The following CCDC158 variants were observed in gnomAD, a reference collection of about 807,000 sequenced individuals.
CCDC158 encodes the protein coiled-coil domain containing 158.
A neutral mutation model predicts 138.6 loss-of-function variants in CCDC158; 116 were observed. The ratio of observed to expected loss-of-function variants is 0.84; its 90% CI spans 0.72 to 0.98. The LOEUF is 0.98. Among genes scored for constraint, CCDC158 ranks in the 50% least tolerant of loss-of-function variants. The pLI is 0.00. For missense variants in CCDC158, 1,265 were observed against 1,306.1 expected, an observed-to-expected ratio of 0.97 and a Z score of 0.48; for synonymous variants, 436 against 442.4, an observed-to-expected ratio of 0.99 and a Z score of 0.18.
rs199969216 is a variant in CCDC158, at chr4:76,379,431, G to C, written c.915-27C>G. 6.8e-4 allele frequency: 958 copies of C among 1,412,466 alleles called. 2 individuals carry two copies. The highest frequency in any genetic ancestry group is 2.0e-3 in the Admixed American group (101 of 49,520). The allele number at this position is 1,412,466 out of a possible 1,614,324, so 87.5% of individuals were successfully genotyped here. On this transcript the variant is annotated intron_variant, in intron 8 of 24. Transcript: ENST00000682701. Reference sequence around the variant, plus strand: ...TAAGAAGAGTTTAGAAGGGGAATAAGTGCAAATAGCAAACTAAGAATAAGA... The same window carrying C: ...TAAGAAGAGTTTAGAAGGGGAATAACTGCAAATAGCAAACTAAGAATAAGA...
chr4:76,351,823 A>G lies in CCDC158; in HGVS notation c.2446-11T>C. The G allele has an allele frequency of 3.2e-6, 5 of 1,549,162 alleles. No homozygotes were observed. The highest frequency in any genetic ancestry group is 4.5e-6 in the Non-Finnish European group (5 of 1,121,380). ...AAACTGCAAAGATGCCTACAAATGG[A>G]GCAATCATAAATGGTTTATCTTGCA... On this transcript the variant is annotated splice_polypyrimidine_tract_variant and intron_variant, in intron 16 of 24. Transcript: ENST00000682701.
intron 16 of CCDC158, 81 bp downstream of exon 16, chr4:76,353,042 T>A: frequency 8.5e-7 from 1 of 1,182,726 alleles, no homozygotes; most frequent in Non-Finnish European, 1.2e-6. Context: ...CCTGTCTACA[T>A]AGAGCTTTTG....
At chr4:76,333,651 C>A (rs907446) in intron 19 of CCDC158, among the ~76,000 whole-genome samples, 1 of 152,002 alleles carries the variant, frequency 6.6e-6, no homozygotes, top group Non-Finnish European at 1.5e-5. Context: ...GACACGTCGA[C>A]CTTTTGAGAT....
At chr4:76,402,268 T>C (rs1467143568) in intron 3 of CCDC158, 3 of 152,248 alleles carry the variant, frequency 2.0e-5, no homozygotes, top group Admixed American at 1.3e-4. Context: ...TGTTGAGTGT[T>C]GTAGGTTCCC....
At chr4:76,399,103 CT>C (rs1011144617) in intron 3 of CCDC158, among the ~76,000 whole-genome samples, 10 of 152,208 alleles carry the variant, frequency 6.6e-5, no homozygotes, top group African/African-American at 2.4e-4. Context: ...AATCATGATG[CT>C]TTCAACTAAT....
intron 24 of CCDC158, among the ~76,000 whole-genome samples, chr4:76,319,159 C>T (rs1719702072): frequency 6.6e-6 from 1 of 151,678 alleles, no homozygotes. Context: ...GTAGTCCCAG[C>T]TACTTGGGAG....
intron 18 of CCDC158, among the ~76,000 whole-genome samples, chr4:76,336,803 C>G (rs540520041): frequency 6.6e-6 from 1 of 152,290 alleles, no homozygotes; most frequent in Non-Finnish European, 1.5e-5. Context: ...GAACTGTCCC[C>G]CTTGCTTGAT....
At chr4:76,320,666 T>C (rs1719911329) in intron 24 of CCDC158, among the ~76,000 whole-genome samples, 1 of 151,990 alleles carries the variant, frequency 6.6e-6, no homozygotes, top group East Asian at 1.9e-4. Flanking sequence ...TCTTCGACAA[T>C]GCAAACAAAA....
intron 4 of CCDC158, among the ~76,000 whole-genome samples, chr4:76,386,885 C>A (rs187158204): frequency 6.6e-6 from 1 of 152,282 alleles, no homozygotes; most frequent in Admixed American, 6.5e-5. Context: ...CCAGCCCTAG[C>A]CAGAGGGGAA....
chr4:76,354,233 C>CA (rs749565764), intron 15 of CCDC158, among the ~76,000 whole-genome samples: 5,512 of 61,226 alleles, frequency 0.09, 111 homozygotes, highest in African/African-American at 0.14. Context: ...TTCCCAAAGG[C>CA]AAAAAAAAAA....
intron 10 of CCDC158, among the ~76,000 whole-genome samples, chr4:76,370,648 G>GT (rs1357829172): frequency 6.6e-6 from 1 of 152,146 alleles, no homozygotes; most frequent in Non-Finnish European, 1.5e-5. Flanking sequence ...GGTGGTGATG[G>GT]TAAGAATGAA....
chr4:76,404,889 A>G (rs1412206650), intron 2 of CCDC158, among the ~76,000 whole-genome samples: 2 of 152,076 alleles, frequency 1.3e-5, no homozygotes, highest in East Asian at 1.9e-4. Flanking sequence ...AGACAAAAAA[A>G]AGGAGTGAGA....
chr4:76,392,732 G>A (rs1447166785), intron 4 of CCDC158, among the ~76,000 whole-genome samples: 2 of 151,834 alleles, frequency 1.3e-5, no homozygotes, highest in South Asian at 2.1e-4. Context: ...CTTATATTTG[G>A]AAAAACCTAA....
In CCDC158 at chr4:76,332,460, A is replaced by C. The variant is rs556049405; in HGVS notation, c.2854T>G (p.Ser952Ala). The C allele has an allele frequency of 6.2e-7, 1 of 1,611,160 alleles. No individual in the cohort carries two copies. Among genetic ancestry groups the C allele is most frequent in the African/African-American group, 1.3e-5 (1 of 74,954 alleles). The change falls in exon 20 of 25, where the codon TCC becomes GCC. Residue 952 changes from serine (S) to alanine (A), a missense_variant. Transcript: ENST00000682701. ...TGGCACATGTCTGATCTCAGGCTGG[A>C]TTCAGTAATGCAATCTCTTACCCTA... ...EDRVRDCITE[S>A]SLRSDMCHRS...
chr4:76,373,215 A>C (rs1459844359), intron 9 of CCDC158, among the ~76,000 whole-genome samples: 1 of 152,228 alleles, frequency 6.6e-6, no homozygotes, highest in Non-Finnish European at 1.5e-5. Context: ...GTGGAGACTA[A>C]GGGTTTAGAT....
At position 76,379,308 on chromosome 4, in the gene CCDC158, T is replaced by C; in HGVS notation, c.1011A>G (p.Lys337=). The stretch of plus-strand genomic sequence containing the variant: ...AACTCACCTTGTCTTCATACATCCT[T>C]TTGGCTTCCCTTAATTCAGAACGTA... The part of the protein sequence containing the change: ...SQLRSELREA[K]RMYEDKTEEL... The change falls in exon 9 of 25, where the codon AAA becomes AAG. Residue 337 remains lysine (K), a synonymous_variant. Coordinates refer to ENST00000682701, the MANE Select transcript of CCDC158 (RefSeq NM_001394954.1). 6.2e-7 allele frequency: 1 copy of C among 1,604,908 alleles called. No homozygotes were observed. Among genetic ancestry groups the C allele is most frequent in the Non-Finnish European group, 8.5e-7 (1 of 1,176,358 alleles).
chr4:76,329,231 T>C (rs373540192), intron 21 of CCDC158, among the ~76,000 whole-genome samples: 1 of 152,202 alleles, frequency 6.6e-6, no homozygotes, highest in East Asian at 1.9e-4. Flanking sequence ...CTAATAGCTA[T>C]AAAATCCACG....
intron 18 of CCDC158, among the ~76,000 whole-genome samples, chr4:76,343,926 C>T (rs1163089133): frequency 6.6e-6 from 1 of 152,092 alleles, no homozygotes; most frequent in Non-Finnish European, 1.5e-5. Flanking sequence ...TGGAAGCATT[C>T]CCTTTGAAAA....
chr4:76,409,586 C>G (rs1438068217), intron 2 of CCDC158, among the ~76,000 whole-genome samples: 1 of 152,116 alleles, frequency 6.6e-6, no homozygotes, highest in Non-Finnish European at 1.5e-5. Context: ...AATCCCAGCA[C>G]TGTGGGAGGC....
Sources: allele counts gnomAD v4.1 joint callset (sites outside exome capture counted in the v4.1 genomes callset), GRCh38; gene constraint gnomAD v4.1.1; transcripts MANE v1.5; gene names NCBI Gene and HGNC (gene_info 2026-07-23, HGNC 2026-07-21).